The following IL1RAPL2 variants were observed in gnomAD, a reference collection of about 807,000 sequenced individuals.
IL1RAPL2 encodes the protein X-linked interleukin-1 receptor accessory protein-like 2.
IL1RAPL2 carries 3 observed loss-of-function variants against 44.1 expected under a neutral mutation model. That is an observed-to-expected ratio of 0.07 (90% CI 0.03 to 0.18). The LOEUF (loss-of-function observed/expected upper bound fraction) is 0.18. IL1RAPL2 is among the 10% of genes least tolerant of loss of function. IL1RAPL2 has a pLI of 1.00. For missense variants in IL1RAPL2, 391 were observed against 496.4 expected (o/e 0.79, Z 2.02); for synonymous variants, 181 against 178.8 (o/e 1.01, Z -0.10).
chrX:104,791,032 G>A (rs1471027865), intron 2 of IL1RAPL2, among the ~76,000 whole-genome samples: 2 of 111,603 alleles, frequency 1.8e-5, no homozygotes, highest in Admixed American at 9.5e-5. Flanking sequence ...GGTACTACTA[G>A]CATTCCCATT....
At chrX:105,435,677 T>C (rs1569440595) in intron 5 of IL1RAPL2, among the ~76,000 whole-genome samples, 1 of 111,484 alleles carries the variant, frequency 9.0e-6, no homozygotes, top group Non-Finnish European at 1.9e-5. Context: ...ATAAAGAAAA[T>C]GTGGTACATA....
intron 2 of IL1RAPL2, among the ~76,000 whole-genome samples, chrX:104,875,932 T>C (rs1447636940): frequency 9.0e-6 from 1 of 111,353 alleles, no homozygotes; most frequent in Non-Finnish European, 1.9e-5. Flanking sequence ...ACTATTTTTT[T>C]TTTTCTCTAG....
At chrX:105,096,192 G>T (rs1278537020) in intron 2 of IL1RAPL2, among the ~76,000 whole-genome samples, 1 of 111,495 alleles carries the variant, frequency 9.0e-6, no homozygotes, top group Non-Finnish European at 1.9e-5. Flanking sequence ...AGAAGTATTG[G>T]TAAGTATGTG....
chrX:104,683,196 T>C (rs1043249015), intron 2 of IL1RAPL2, among the ~76,000 whole-genome samples: 2 of 111,867 alleles, frequency 1.8e-5, no homozygotes, highest in Non-Finnish European at 3.8e-5. Context: ...GTTGTACCCA[T>C]AGAACAGAGA....
At chrX:105,088,776 TAAAA>T (rs769000866) in intron 2 of IL1RAPL2, among the ~76,000 whole-genome samples, 88 of 111,099 alleles carry the variant, frequency 7.9e-4, no homozygotes, top group Non-Finnish European at 1.4e-3. Context: ...AAGTAGGTAA[TAAAA>T]AAAGTTAAAT....
intron 6 of IL1RAPL2, among the ~76,000 whole-genome samples, chrX:105,615,646 T>C (rs184532308): frequency 1.3e-3 from 148 of 111,811 alleles, no homozygotes; most frequent in African/African-American, 2.8e-3. Flanking sequence ...GCTGGACTTA[T>C]AGAGCTAGAG....
intron 2 of IL1RAPL2, among the ~76,000 whole-genome samples, chrX:105,028,828 TAAAAG>T (rs1354184601): frequency 9.0e-6 from 1 of 111,350 alleles, no homozygotes; most frequent in Non-Finnish European, 1.9e-5. Context: ...CTTTAGATAT[TAAAAG>T]AAAGTATAAG....
At chrX:105,616,080 A>G (rs887087240) in intron 6 of IL1RAPL2, among the ~76,000 whole-genome samples, 1 of 112,425 alleles carries the variant, frequency 8.9e-6, no homozygotes, top group African/African-American at 3.2e-5. Flanking sequence ...GTTAAATTCA[A>G]TGAAGTTGAT....
Position 104,847,353 on chromosome X carries a change from T to A in IL1RAPL2, c.82+188358T>A, listed in dbSNP as rs149954632. Among the ~76,000 whole-genome samples, 723 of 112,032 alleles carry A rather than the reference T, an allele frequency of 6.5e-3. 3 individuals carry two copies. The highest frequency in any genetic ancestry group is 0.022 in the African/African-American group (688 of 30,833). On this transcript the variant is annotated intron_variant, in intron 2 of 10. Coordinates refer to ENST00000372582, the MANE Select transcript of IL1RAPL2 (RefSeq NM_017416.2). ...CTAACATTTAAGTCTTTAATCCATC[T>A]TGAATTAATTTTTGTATAAGGTGTA... is the stretch of plus-strand genomic sequence containing the variant.
At chrX:105,058,334 C>T (rs887760064) in intron 2 of IL1RAPL2, among the ~76,000 whole-genome samples, 1 of 111,746 alleles carries the variant, frequency 8.9e-6, no homozygotes, top group Non-Finnish European at 1.9e-5. Context: ...GATCCACATG[C>T]CTCAACCTCC....
At chrX:105,009,348 C>A (rs1317410622) in intron 2 of IL1RAPL2, among the ~76,000 whole-genome samples, 3 of 109,823 alleles carry the variant, frequency 2.7e-5, no homozygotes, top group East Asian at 2.8e-4. Context: ...TGGAACCAAC[C>A]CAAATGTCCA....
intron 6 of IL1RAPL2, among the ~76,000 whole-genome samples, chrX:105,625,830 G>A (rs1412894696): frequency 1.8e-5 from 2 of 110,873 alleles, no homozygotes; most frequent in East Asian, 5.7e-4. Flanking sequence ...TCAATGTTCC[G>A]GCAGATTCAA....
intron 2 of IL1RAPL2, among the ~76,000 whole-genome samples, chrX:104,720,231 G>A (rs1341484125): frequency 9.0e-6 from 1 of 111,407 alleles, no homozygotes; most frequent in African/African-American, 3.3e-5. Flanking sequence ...AGAATCAGAA[G>A]CAAATCGACA....
chrX:105,012,998 A>T (rs1403154691), intron 2 of IL1RAPL2, among the ~76,000 whole-genome samples: 1 of 110,807 alleles, frequency 9.0e-6, no homozygotes, highest in Non-Finnish European at 1.9e-5. Context: ...AACTTTCTTC[A>T]TCCAAATATC....
At chrX:104,769,641 G>C (rs1168967460) in intron 2 of IL1RAPL2, among the ~76,000 whole-genome samples, 1 of 111,833 alleles carries the variant, frequency 8.9e-6, no homozygotes, top group African/African-American at 3.2e-5. Flanking sequence ...AGTTTTGTAG[G>C]CTTCAAACGT....
intron 2 of IL1RAPL2, among the ~76,000 whole-genome samples, chrX:105,063,990 C>T (rs1046852672): frequency 8.9e-6 from 1 of 111,995 alleles, no homozygotes; most frequent in African/African-American, 3.2e-5. Context: ...CTGGATCAGA[C>T]CTAAAGCCAG....
intron 2 of IL1RAPL2, among the ~76,000 whole-genome samples, chrX:104,804,775 C>G (rs917235827): frequency 2.7e-5 from 3 of 112,410 alleles, no homozygotes; most frequent in Non-Finnish European, 5.6e-5. Context: ...AGCAACCACT[C>G]TATTTAAGAC....
At chrX:104,892,431 T>C (rs1445850421) in intron 2 of IL1RAPL2, among the ~76,000 whole-genome samples, 2 of 111,652 alleles carry the variant, frequency 1.8e-5, no homozygotes, top group Non-Finnish European at 3.8e-5. Context: ...CTCCTGGACT[T>C]TTTTTGGTTG....
chrX:104,793,131 G>C (rs1403694569), intron 2 of IL1RAPL2, among the ~76,000 whole-genome samples: 1 of 112,374 alleles, frequency 8.9e-6, no homozygotes, highest in South Asian at 3.7e-4. Flanking sequence ...TGGTCCAGCA[G>C]TTAAGGTCAT....
Sources: allele counts gnomAD v4.1 joint callset (sites outside exome capture counted in the v4.1 genomes callset), GRCh38; gene constraint gnomAD v4.1.1; transcripts MANE v1.5; gene names NCBI Gene and HGNC (gene_info 2026-07-23, HGNC 2026-07-21).